Variants in ZC3H12B observed in about 807,000 individuals in gnomAD.
ZC3H12B encodes the protein probable ribonuclease ZC3H12B.
A neutral mutation model predicts 43.9 loss-of-function variants in ZC3H12B; 7 were observed. The ratio of observed to expected loss-of-function variants is 0.16; its 90% confidence interval spans 0.09 to 0.30. The LOEUF (loss-of-function observed/expected upper bound fraction) is 0.30, where lower values mean the gene tolerates loss of function less well. Ranked by LOEUF, ZC3H12B falls within the 10% of genes least tolerant of loss-of-function variation. ZC3H12B has a pLI of 1.00. For missense variants in ZC3H12B, 475 were observed against 670.2 expected, an observed-to-expected ratio of 0.71 and a Z score of 3.22; for synonymous variants, 222 against 241.7, an observed-to-expected ratio of 0.92 and a Z score of 0.76.
rs376775564 is a variant in ZC3H12B, at chrX:65,378,470, C to A, written n.295+9472C>A. On this transcript the variant is annotated intron_variant and non_coding_transcript_variant, in intron 2 of 5. Transcript: ENST00000617377. ...AAATCAAAAAAATAAACAACAGATA[C>A]AAAAAAAAATTAAGAAATTAAAGCA... is the stretch of plus-strand genomic sequence containing the variant. Among the ~76,000 whole-genome samples the A allele has an allele frequency of 4.7e-4, 51 of 108,647 alleles. 1 individual carries two copies. In the South Asian group the frequency reaches 0.018, roughly 38 times the overall value. The allele number at this position is 108,647 out of a possible 115,157, so 94.3% of individuals were successfully genotyped here.
chrX:65,238,572 G>C, the ZC3H12B span, among the ~76,000 whole-genome samples: 1 of 110,925 alleles, frequency 9.0e-6, no homozygotes, highest in Non-Finnish European at 1.9e-5. Context: ...AGTTTTGTTT[G>C]TGTCTCTATC....
At chrX:65,064,880 C>T in the ZC3H12B span, among the ~76,000 whole-genome samples, 2 of 111,575 alleles carry the variant, frequency 1.8e-5, no homozygotes, top group Non-Finnish European at 3.8e-5. Flanking sequence ...TGTATTGATC[C>T]CTTTACCATT....
chrX:65,096,286 T>C, the ZC3H12B span, among the ~76,000 whole-genome samples: 2 of 110,936 alleles, frequency 1.8e-5, no homozygotes, highest in African/African-American at 6.6e-5. Context: ...ACTTAGGTGA[T>C]GGGTTAATGA....
At chrX:65,488,664 C>A, upstream of ZC3H12B, 2 of 754,553 alleles carry the variant, frequency 2.7e-6, no homozygotes, top group Non-Finnish European at 3.7e-6. Flanking sequence ...AACATCTGAA[C>A]ATACCAAACC....
the ZC3H12B span, among the ~76,000 whole-genome samples, chrX:65,292,582 C>G: frequency 3.4e-4 from 37 of 110,399 alleles, no homozygotes; most frequent in East Asian, 7.4e-3. Flanking sequence ...ACATATTTAC[C>G]TATGTAACAA....
the ZC3H12B span, among the ~76,000 whole-genome samples, chrX:65,151,121 GT>G: frequency 9.0e-6 from 1 of 111,664 alleles, no homozygotes; most frequent in African/African-American, 3.3e-5. Flanking sequence ...GTTAATTTTT[GT>G]TCAAGATTTC....
At chrX:65,174,030 G>A in the ZC3H12B span, among the ~76,000 whole-genome samples, 1 of 111,568 alleles carries the variant, frequency 9.0e-6, no homozygotes, top group African/African-American at 3.3e-5. Context: ...TTTGCTGGAG[G>A]TTCACTCCAG....
chrX:65,344,681 C>T, the ZC3H12B span, among the ~76,000 whole-genome samples: 2 of 112,054 alleles, frequency 1.8e-5, no homozygotes, highest in African/African-American at 6.5e-5. Context: ...GATGAAGACA[C>T]CAAAAGTGAA....
chrX:65,437,638 G>T (rs1339373477), intron 3 of ZC3H12B, among the ~76,000 whole-genome samples: 1 of 111,111 alleles, frequency 9.0e-6, no homozygotes, highest in Admixed American at 9.6e-5. Flanking sequence ...TATATATTCT[G>T]GTTATTAATC....
chrX:65,501,301 G>A lies in ZC3H12B; in HGVS notation c.1091-488G>A, dbSNP rs1396735415. Among the ~76,000 whole-genome samples the A allele has an allele frequency of 3.9e-5, 4 of 101,590 alleles. No homozygotes were observed. The East Asian group carries it at 1.2e-3, about 31-fold the overall frequency. 88.2% of individuals were successfully genotyped at this position (101,590 alleles called of 115,157 possible). On this transcript the variant is annotated intron_variant, in intron 4 of 4. Transcript: ENST00000338957. ...TGCTCTTGCTCTGTCACCTGGGCTG[G>A]AGATCAGTGGCATGATCACGGCTCA...
At chrX:65,305,872 C>A in the ZC3H12B span, among the ~76,000 whole-genome samples, 10 of 111,556 alleles carry the variant, frequency 9.0e-5, no homozygotes, top group African/African-American at 3.3e-4. Flanking sequence ...GTTTTCTGTT[C>A]TGTAAATGGT....
intron 1 of ZC3H12B, among the ~76,000 whole-genome samples, chrX:65,367,834 A>G (rs1221219036): frequency 9.0e-6 from 1 of 111,322 alleles, no homozygotes; most frequent in Non-Finnish European, 1.9e-5. Context: ...TGCATCCGGC[A>G]CCAAGAAACA....
At chrX:65,110,490 A>T in the ZC3H12B span, among the ~76,000 whole-genome samples, 1 of 109,816 alleles carries the variant, frequency 9.1e-6, no homozygotes, top group East Asian at 2.9e-4. Context: ...AATCAGATAG[A>T]GGTTTATTAC....
intron 2 of ZC3H12B, among the ~76,000 whole-genome samples, chrX:65,392,408 T>G (rs1234002212): frequency 9.0e-6 from 1 of 111,113 alleles, no homozygotes; most frequent in Non-Finnish European, 1.9e-5. Context: ...GGAGCGCCTC[T>G]GTCCAGCTGC....
At chrX:65,244,817 A>C in the ZC3H12B span, among the ~76,000 whole-genome samples, 1 of 108,773 alleles carries the variant, frequency 9.2e-6, no homozygotes, top group African/African-American at 3.4e-5. Flanking sequence ...TCTGTATTGT[A>C]GATTATAGTT....
the ZC3H12B span, among the ~76,000 whole-genome samples, chrX:65,061,461 C>A: frequency 8.9e-6 from 1 of 112,217 alleles, no homozygotes; most frequent in Admixed American, 9.5e-5. Context: ...ATGATGGTTT[C>A]CAGTTTCATC....
At chrX:65,379,978 T>C (rs1471706791) in intron 2 of ZC3H12B, among the ~76,000 whole-genome samples, 5 of 112,302 alleles carry the variant, frequency 4.5e-5, no homozygotes, top group Admixed American at 9.4e-5. Context: ...AATCTACGTC[T>C]GATTGGTGTA....
the ZC3H12B span, among the ~76,000 whole-genome samples, chrX:65,103,358 C>T: frequency 1.8e-5 from 2 of 111,998 alleles, no homozygotes; most frequent in African/African-American, 6.5e-5. Context: ...ACCTGATGGT[C>T]AGCTCCCTTG....
At chrX:65,142,822 T>C in the ZC3H12B span, among the ~76,000 whole-genome samples, 1 of 112,449 alleles carries the variant, frequency 8.9e-6, no homozygotes, top group African/African-American at 3.2e-5. Context: ...TATTTGGCTT[T>C]ATTTCTGGGT....
Sources: gnomAD v4.1 joint callset for allele counts (sites outside exome capture counted in the v4.1 genomes callset) on GRCh38, gnomAD v4.1.1 for gene constraint, MANE v1.5 for transcripts, NCBI Gene and HGNC (gene_info 2026-07-23, HGNC 2026-07-21) for gene names.